Variants in ZFHX3 observed in about 807,000 individuals in gnomAD.
ZFHX3 encodes zinc finger homeobox protein 3.
Under a neutral mutation model 279.1 loss-of-function variants are expected in ZFHX3, and 42 were observed. The ratio of observed to expected loss-of-function variants is 0.15; its 90% CI spans 0.12 to 0.19. ZFHX3 has a LOEUF of 0.19. Ranked by LOEUF, ZFHX3 falls within the 10% of genes least tolerant of loss-of-function variation. The pLI is 1.00. For missense variants in ZFHX3, 4,981 were observed against 4,754.0 expected, an observed-to-expected ratio of 1.05 and a Z score of -1.40; for synonymous variants, 2,293 against 1,957.8, an observed-to-expected ratio of 1.17 and a Z score of -4.52.
At chr16:72,834,895 T>A (rs2037148715) in intron 4 of ZFHX3, among the ~76,000 whole-genome samples, 1 of 152,160 alleles carries the variant, frequency 6.6e-6, no homozygotes, top group African/African-American at 2.4e-5. Context: ...CTTATAAGCT[T>A]GAAGGAAGGG....
chr16:72,987,887 C>T (rs927731641), intron 1 of ZFHX3, among the ~76,000 whole-genome samples: 22 of 152,170 alleles, frequency 1.4e-4, no homozygotes, highest in African/African-American at 5.3e-4. Context: ...GACAGACAAA[C>T]GCCACCTACT....
chr16:72,931,405 A>ACGCGCGCG (rs1491384747), intron 3 of ZFHX3, among the ~76,000 whole-genome samples: 22 of 4,254 alleles, frequency 5.2e-3, no homozygotes, highest in Admixed American at 0.012. Context: ...TTATTTCATT[A>ACGCGCGCG]CACACACACA....
chr16:72,864,798 A>G (rs1332935433), intron 4 of ZFHX3, among the ~76,000 whole-genome samples: 1 of 152,212 alleles, frequency 6.6e-6, no homozygotes, highest in African/African-American at 2.4e-5. Context: ...AATCATCTAC[A>G]TAGCAGGCTA....
At chr16:73,209,879 C>T (rs1305372446) in intron 5 of ZFHX3, among the ~76,000 whole-genome samples, 1 of 152,126 alleles carries the variant, frequency 6.6e-6, no homozygotes, top group African/African-American at 2.4e-5. Flanking sequence ...CCCAGGGTCC[C>T]CAGACCACAC....
At chr16:73,707,344 T>C (rs2053314444) in intron 1 of ZFHX3, among the ~76,000 whole-genome samples, 2 of 152,036 alleles carry the variant, frequency 1.3e-5, no homozygotes, top group South Asian at 4.1e-4. Context: ...CTTAAACATA[T>C]CAACATGGGT....
At chr16:73,669,870 T>C (rs1265294294) in intron 2 of ZFHX3, among the ~76,000 whole-genome samples, 1 of 152,246 alleles carries the variant, frequency 6.6e-6, no homozygotes, top group Non-Finnish European at 1.5e-5. Flanking sequence ...GAAAATCACC[T>C]TTTATACCTT....
chr16:72,964,900 G>T (rs566165021), intron 1 of ZFHX3, among the ~76,000 whole-genome samples: 5 of 152,160 alleles, frequency 3.3e-5, no homozygotes, highest in African/African-American at 1.2e-4. Context: ...TATGCTTTCA[G>T]GCAGTTTTCC....
intron 8 of ZFHX3, among the ~76,000 whole-genome samples, chr16:73,069,537 G>A (rs936332704): frequency 6.6e-6 from 1 of 152,168 alleles, no homozygotes; most frequent in Non-Finnish European, 1.5e-5. Context: ...AAAGAAATGA[G>A]GGAGAGAATA....
At chr16:72,839,617 T>G (rs188150261) in intron 4 of ZFHX3, among the ~76,000 whole-genome samples, 3 of 151,724 alleles carry the variant, frequency 2.0e-5, no homozygotes, top group East Asian at 1.9e-4. Context: ...GACAGAAAAT[T>G]TGATAAAGCC....
rs542712490 is a variant in ZFHX3 at position 73,674,804 on chromosome 16, T to G, written c.-1547+5376A>C. ...ATATGTGGCTCCAACACCAGACATG[T>G]GCAGGAGGCTATCAGGAAAAAAACA... On this transcript the variant is annotated intron_variant, in intron 2 of 17. Transcript: ENST00000641206. Among the ~76,000 whole-genome samples the G allele has an allele frequency of 3.1e-4, 47 of 152,258 alleles. No homozygotes were observed. The East Asian group carries it at 8.3e-3, about 27-fold the overall frequency.
chr16:72,958,266 C>T lies in ZFHX3; in HGVS notation c.1880G>A (p.Cys627Tyr), dbSNP rs1961363709. 1 of 1,613,954 alleles carries T rather than the reference C, an allele frequency of 6.2e-7. No individual in the cohort carries two copies. Residue 627 changes from cysteine (C) to tyrosine (Y), a missense_variant, in exon 2 of 10, where the codon TGC (cysteine) becomes TAC (tyrosine). Transcript: ENST00000268489. Reference sequence around the variant, plus strand: ...GGGGCACTCCCCAACCCCAAGCTCGCAGAGGGAGCCAGCGTGCTGGTGATG... The same window carrying T: ...GGGGCACTCCCCAACCCCAAGCTCGTAGAGGGAGCCAGCGTGCTGGTGATG... ...VPHHQHAGSLCELGVGECPSG... is the reference protein window; with the variant it reads ...VPHHQHAGSLYELGVGECPSG...
intron 1 of ZFHX3, among the ~76,000 whole-genome samples, chr16:73,801,103 AC>A (rs1960133352): frequency 1.3e-5 from 2 of 152,242 alleles, no homozygotes; most frequent in African/African-American, 2.4e-5. Context: ...AACAAGCTGT[AC>A]CAGGTGCCTT....
chr16:73,638,583 T>G (rs948807523), intron 2 of ZFHX3, among the ~76,000 whole-genome samples: 3 of 152,218 alleles, frequency 2.0e-5, no homozygotes, highest in Admixed American at 6.5e-5. Flanking sequence ...GTATTTTGTA[T>G]GCTTACATAC....
At chr16:72,838,899 ATT>A (rs779346777) in intron 4 of ZFHX3, among the ~76,000 whole-genome samples, 2 of 146,188 alleles carry the variant, frequency 1.4e-5, no homozygotes, top group Admixed American at 1.4e-4. Flanking sequence ...TCACAGGAAG[ATT>A]TTTTTTTTTT....
chr16:72,854,804 A>C (rs927597187), intron 4 of ZFHX3, among the ~76,000 whole-genome samples: 1 of 152,046 alleles, frequency 6.6e-6, no homozygotes, highest in African/African-American at 2.4e-5. Flanking sequence ...GCCTGTTTTT[A>C]AAACCCTTCT....
intron 5 of ZFHX3, among the ~76,000 whole-genome samples, chr16:72,812,747 A>G (rs912567336): frequency 1.3e-5 from 2 of 152,162 alleles, no homozygotes; most frequent in Non-Finnish European, 2.9e-5. Flanking sequence ...CTGCTTGCCC[A>G]AACCATGCCT....
chr16:73,254,998 C>G (rs1279509593), intron 5 of ZFHX3, among the ~76,000 whole-genome samples: 1 of 151,748 alleles, frequency 6.6e-6, no homozygotes, highest in African/African-American at 2.4e-5. Flanking sequence ...AGGAACTATG[C>G]ACTTTCTATT....
At chr16:72,800,823 TCC>T (rs2036076924) in intron 7 of ZFHX3, among the ~76,000 whole-genome samples, 2 of 152,244 alleles carry the variant, frequency 1.3e-5, no homozygotes, top group East Asian at 3.9e-4. Flanking sequence ...CTGACCAACG[TCC>T]CAGCGATAGA....
chr16:73,633,744 G>A (rs1419922186), intron 2 of ZFHX3, among the ~76,000 whole-genome samples: 4 of 152,032 alleles, frequency 2.6e-5, no homozygotes, highest in South Asian at 2.1e-4. Flanking sequence ...TTTTGAATAC[G>A]AAAATTAGTT....
Sources: gnomAD v4.1 joint callset for allele counts (sites outside exome capture counted in the v4.1 genomes callset) on GRCh38, gnomAD v4.1.1 for gene constraint, MANE v1.5 for transcripts, NCBI Gene and HGNC (gene_info 2026-07-23, HGNC 2026-07-21) for gene names.